Variants in EPS15L1 observed in about 807,000 individuals in gnomAD.
The protein encoded by EPS15L1 is epidermal growth factor receptor pathway substrate 15 like 1.
In EPS15L1, 43 loss-of-function variants were observed where a neutral mutation model predicts 117.1. The observed-to-expected ratio is 0.37, with a 90% CI of 0.29 to 0.47. The LOEUF (loss-of-function observed/expected upper bound fraction) is 0.47. Ranked by LOEUF, EPS15L1 falls within the 20% of genes least tolerant of loss-of-function variation. The pLI is 0.99. For missense variants in EPS15L1, 981 were observed against 1,164.0 expected (o/e 0.84, Z 2.29); for synonymous variants, 459 against 470.5 (o/e 0.98, Z 0.32).
At chr19:16,462,431 T>A (rs2093262047) in intron 1 of EPS15L1, among the ~76,000 whole-genome samples, 1 of 151,898 alleles carries the variant, frequency 6.6e-6, no homozygotes, top group Non-Finnish European at 1.5e-5. Context: ...GGGGCCAAGG[T>A]GGGTGGATCA....
At chr19:16,386,084 G>A in intron 20 of EPS15L1, 87 bp downstream of exon 20, 3 of 1,040,924 alleles carry the variant, frequency 2.9e-6, no homozygotes, top group Non-Finnish European at 4.4e-6. Context: ...AGGCCACGCT[G>A]GCTTTGGGAG....
At chr19:16,451,746 G>A (rs1346561373) in intron 1 of EPS15L1, among the ~76,000 whole-genome samples, 1 of 150,946 alleles carries the variant, frequency 6.6e-6, no homozygotes, top group Non-Finnish European at 1.5e-5. Flanking sequence ...AGCCAGGATG[G>A]TCTCGATCTC....
chr19:16,394,852 T>C (rs1195903518), intron 17 of EPS15L1, among the ~76,000 whole-genome samples: 1 of 152,160 alleles, frequency 6.6e-6, no homozygotes, highest in African/African-American at 2.4e-5. Context: ...GTGGGTCTTG[T>C]GGTGAGCTTG....
chr19:16,404,561 G>A lies in EPS15L1; in HGVS notation c.1428+27C>T, dbSNP rs111980636. The A allele has an allele frequency of 2.6e-5, 42 of 1,612,718 alleles. No individual in the cohort carries two copies. Among genetic ancestry groups the A allele is most frequent in the Non-Finnish European group, 3.3e-5 (39 of 1,179,472 alleles). ...GGAAGCCCCTGCCTGTGCATAGGGC[G>A]CTGCCCCGGAGGTGGCCGGGACCCA... On this transcript the variant is annotated intron_variant, in intron 14 of 23. Transcript: ENST00000455140. The surrounding 1 kb of genome is among the most constrained non-coding windows in gnomAD (Gnocchi z 4.2).
chr19:16,450,955 CTCT>C (rs2093135710), intron 1 of EPS15L1, among the ~76,000 whole-genome samples: 1 of 151,018 alleles, frequency 6.6e-6, no homozygotes, highest in Non-Finnish European at 1.5e-5. Context: ...ATGGTACAGG[CTCT>C]TTTTTTTTTG....
intron 8 of EPS15L1, among the ~76,000 whole-genome samples, chr19:16,427,423 A>G (rs1045811614): frequency 1.3e-5 from 2 of 152,212 alleles, no homozygotes; most frequent in African/African-American, 4.8e-5. Flanking sequence ...TTACTAATCC[A>G]AAAATCCAAA....
rs958071334 is a variant in EPS15L1, at chr19:16,370,927, C to T, written c.2380+6195G>A. On this transcript the variant is annotated intron_variant, in intron 22 of 23. Coordinates refer to ENST00000455140, the MANE Select transcript of EPS15L1 (RefSeq NM_001258374.3). The surrounding 1 kb of genome is among the most constrained non-coding windows in gnomAD (Gnocchi z 5.2). Reference sequence around the variant, plus strand: ...GTTTTAGGCTCCTTGGGACCCCCTCCCCATCCTGGCTGGCAGGCAAGTGCC... The same window carrying T: ...GTTTTAGGCTCCTTGGGACCCCCTCTCCATCCTGGCTGGCAGGCAAGTGCC... 1.3e-5 allele frequency among the ~76,000 whole-genome samples: 2 copies of T among 152,192 alleles called. No individual in the cohort carries two copies. The highest frequency in any genetic ancestry group is 2.9e-5 in the Non-Finnish European group (2 of 68,026).
In EPS15L1 at chr19:16,382,002, C is replaced by T. The variant is rs115261368; in HGVS notation, c.2247+3127G>A. On this transcript the variant is annotated intron_variant, in intron 21 of 23. Transcript: ENST00000455140. ...GTGAGCCTTTCTACCCTCTGTGTCG[C>T]GCAATAGGACCCGGGCAATAAAACC... 3.3e-3 allele frequency among the ~76,000 whole-genome samples: 497 copies of T among 152,238 alleles called. 4 individuals are homozygous for T. Among genetic ancestry groups the T allele is most frequent in the African/African-American group, 0.011 (440 of 41,542 alleles).
At chr19:16,364,353 C>G (rs897368525) in intron 22 of EPS15L1, among the ~76,000 whole-genome samples, 1 of 152,214 alleles carries the variant, frequency 6.6e-6, no homozygotes, top group African/African-American at 2.4e-5. Flanking sequence ...GGCCCCTCTC[C>G]TTCCGACAGC....
intron 9 of EPS15L1, among the ~76,000 whole-genome samples, chr19:16,421,702 T>G (rs1012983623): frequency 6.6e-6 from 1 of 152,130 alleles, no homozygotes; most frequent in Non-Finnish European, 1.5e-5. Flanking sequence ...GATGCCAGTC[T>G]GCACCTCTCT....
intron 22 of EPS15L1, among the ~76,000 whole-genome samples, chr19:16,373,704 G>A (rs999422777): frequency 6.6e-5 from 10 of 152,080 alleles, no homozygotes; most frequent in East Asian, 1.9e-4. Flanking sequence ...TACAGAGCCC[G>A]GCTCTGATTC....
chr19:16,438,781 G>T (rs1436955957), intron 4 of EPS15L1, among the ~76,000 whole-genome samples: 1 of 152,124 alleles, frequency 6.6e-6, no homozygotes, highest in Non-Finnish European at 1.5e-5. Flanking sequence ...TTAGCTTCCT[G>T]AGTAGCTAGG....
intron 23 of EPS15L1, among the ~76,000 whole-genome samples, chr19:16,360,787 T>A (rs1327580558): frequency 1.3e-5 from 2 of 152,130 alleles, no homozygotes; most frequent in African/African-American, 4.8e-5. Context: ...AGGATAGCTG[T>A]GCACGGTAGA....
chr19:16,427,467 T>A lies in EPS15L1; in HGVS notation c.558+1235A>T, dbSNP rs574289656. 7.9e-5 allele frequency among the ~76,000 whole-genome samples: 12 copies of A among 152,290 alleles called. 1 individual carries two copies. Among genetic ancestry groups the A allele is most frequent in the Admixed American group, 3.3e-4 (5 of 15,294 alleles). On this transcript the variant is annotated intron_variant, in intron 8 of 23. Coordinates refer to ENST00000455140, the MANE Select transcript of EPS15L1 (RefSeq NM_001258374.3). The stretch of plus-strand genomic sequence containing the variant: ...TTCTTCAATGAGCATTTCCTTTGAG[T>A]GTCATGTTGATGCTCAAAAAATGTC...
At chr19:16,392,276 C>T (rs1168172470) in intron 19 of EPS15L1, 28 bp downstream of exon 19, 1 of 1,613,608 alleles carries the variant, frequency 6.2e-7, no homozygotes, top group Non-Finnish European at 8.5e-7. Context: ...GCACGCAGCT[C>T]TCCCGGGCAA....
At chr19:16,467,605 G>A (rs2093316116) in intron 1 of EPS15L1, among the ~76,000 whole-genome samples, 1 of 152,120 alleles carries the variant, frequency 6.6e-6, no homozygotes, top group Admixed American at 6.5e-5. Context: ...TCTTTCAGGA[G>A]TGGATTTTAC....
At chr19:16,438,747 G>T (rs2093000294) in intron 4 of EPS15L1, among the ~76,000 whole-genome samples, 1 of 152,110 alleles carries the variant, frequency 6.6e-6, no homozygotes, top group African/African-American at 2.4e-5. Flanking sequence ...GCCCAGGCTG[G>T]TCTCAAATTC....
At chr19:16,376,400 C>T (rs924025707) in intron 22 of EPS15L1, among the ~76,000 whole-genome samples, 2 of 152,204 alleles carry the variant, frequency 1.3e-5, no homozygotes, top group Non-Finnish European at 2.9e-5. Context: ...AGAAATCCCA[C>T]GTGTGAGTTA....
At chr19:16,415,245 C>G (rs1383376935) in intron 12 of EPS15L1, among the ~76,000 whole-genome samples, 2 of 152,186 alleles carry the variant, frequency 1.3e-5, no homozygotes, top group African/African-American at 2.4e-5. Context: ...TCAGCAGACC[C>G]GATCTGCCGG....
Sources: allele counts gnomAD v4.1 joint callset (sites outside exome capture counted in the v4.1 genomes callset), GRCh38; gene constraint gnomAD v4.1.1; non-coding constraint Gnocchi (gnomAD v3.1); transcripts MANE v1.5; gene names NCBI Gene and HGNC (gene_info 2026-07-23, HGNC 2026-07-21).